Variants in STOML3 observed in about 807,000 individuals in gnomAD.
The protein encoded by STOML3 is stomatin like 3.
In STOML3, 31 loss-of-function variants were observed where a neutral mutation model predicts 29.5. That is an observed-to-expected ratio of 1.05 (90% CI 0.79 to 1.42). The LOEUF is 1.42. STOML3 is among the 40% of genes most tolerant of loss of function. The pLI is 0.00. For missense variants in STOML3, 380 were observed against 363.0 expected (o/e 1.05, Z -0.38); for synonymous variants, 122 against 139.8 (o/e 0.87, Z 0.90).
At chr13:38,986,035 G>GTTTTTTTTTTTTTTTT (rs371208112) in intron 1 of STOML3, among the ~76,000 whole-genome samples, 1 of 70,688 alleles carries the variant, frequency 1.4e-5, no homozygotes, top group Non-Finnish European at 2.6e-5. Flanking sequence ...TATTTACCTG[G>GTTTTTTTTTTTTTTTT]TTTTTTTTTT....
intron 1 of STOML3, among the ~76,000 whole-genome samples, chr13:38,982,496 A>G (rs1881303324): frequency 6.6e-6 from 1 of 152,116 alleles, no homozygotes; most frequent in African/African-American, 2.4e-5. Flanking sequence ...CAAAGAAAAT[A>G]GCACCCCTAT....
At chr13:38,981,769 T>TA (rs1368287401) in intron 1 of STOML3, among the ~76,000 whole-genome samples, 1 of 152,162 alleles carries the variant, frequency 6.6e-6, no homozygotes. Flanking sequence ...GGCAATACCA[T>TA]GTTTAGCAAG....
At chr13:38,979,965 A>C (rs1881216760) in intron 1 of STOML3, 1 of 1,351,320 alleles carries the variant, frequency 7.4e-7, no homozygotes, top group Non-Finnish European at 1.0e-6. Context: ...TAATGCCTGG[A>C]GCCAAGCCCT....
chr13:38,975,215 G>T (rs969065294), intron 3 of STOML3, among the ~76,000 whole-genome samples: 1 of 151,802 alleles, frequency 6.6e-6, no homozygotes, highest in Non-Finnish European at 1.5e-5. Flanking sequence ...CAGCTACTCG[G>T]GAGGCTAAGG....
Position 38,990,681 on chromosome 13 carries a change from T to A in STOML3, c.41A>T (p.Glu14Val). 1 of 1,614,018 alleles carries A rather than the reference T, an allele frequency of 6.2e-7. No homozygotes were observed. The highest frequency in any genetic ancestry group is 8.5e-7 in the Non-Finnish European group (1 of 1,179,948). ...AAAAAGGAACTTACCCACGAAATTC[T>A]CTTTATCTTGCTTCTCAGGTGAAGA... ...RVSSPEKQDK[E>V]NFVGVNNKRL... The change falls in exon 1 of 7, where the codon GAG (glutamate) becomes GTG (valine). Residue 14 changes from glutamate to valine, a missense_variant. Transcript: ENST00000379631.
At position 38,968,616 on chromosome 13, in the gene STOML3, A is replaced by T. The variant is rs1880750741; in HGVS notation, c.517-82T>A. ...TTCTGATATGTTTTATACTTTCAAGATACATTTTTCTTTTTTTTCTTTTTC... is the reference window on the plus strand; with the variant it reads ...TTCTGATATGTTTTATACTTTCAAGTTACATTTTTCTTTTTTTTCTTTTTC... On this transcript the variant is annotated intron_variant, in intron 5 of 6. Coordinates refer to ENST00000379631, the MANE Select transcript of STOML3 (RefSeq NM_145286.3). 2.6e-6 allele frequency: 4 copies of T among 1,518,086 alleles called. No homozygotes were observed. The East Asian group carries it at 9.1e-5, about 35-fold the overall frequency. The allele number at this position is 1,518,086 out of a possible 1,614,324, so 94.0% of individuals were successfully genotyped here.
intron 1 of STOML3, among the ~76,000 whole-genome samples, chr13:38,979,538 G>A (rs771634543): frequency 7.9e-5 from 12 of 152,144 alleles, no homozygotes; most frequent in South Asian, 4.2e-4. Context: ...TTGTGATAAT[G>A]GCATTACACT....
chr13:38,979,893 G>T (rs930573968), intron 1 of STOML3, among the ~76,000 whole-genome samples: 3 of 152,150 alleles, frequency 2.0e-5, no homozygotes, highest in African/African-American at 7.2e-5. Flanking sequence ...CTGTTCTGGG[G>T]CTATGACTAG....
chr13:38,971,090 T>A (rs4426231), intron 4 of STOML3, among the ~76,000 whole-genome samples: 15,451 of 152,066 alleles, frequency 0.1, 1,075 homozygotes, highest in Admixed American at 0.19. Flanking sequence ...TGGACTGCAG[T>A]GGCGCAATCT....
rs570615584 is a variant in STOML3 at position 38,966,775 on chromosome 13, T to C, written c.*50A>G. 1.5e-4 allele frequency: 227 copies of C among 1,486,800 alleles called. 4 individuals carry two copies. In the South Asian group the frequency reaches 2.4e-3, roughly 16 times the overall value. 92.1% of individuals were successfully genotyped at this position (1,486,800 alleles called of 1,614,324 possible). Reference sequence around the variant, plus strand: ...CCGTTTCTAACTACTGGCTTCTCCATAGGAATAGACACCACTCTCTATGCA... The same window carrying C: ...CCGTTTCTAACTACTGGCTTCTCCACAGGAATAGACACCACTCTCTATGCA... On this transcript the variant is annotated 3_prime_UTR_variant, in exon 7 of 7. Transcript: ENST00000379631.
intron 1 of STOML3, among the ~76,000 whole-genome samples, chr13:38,985,911 C>CTTTCTTT (rs1868503447): frequency 2.3e-5 from 2 of 85,616 alleles, no homozygotes; most frequent in African/African-American, 9.0e-5. Context: ...TCTTTTCTTT[C>CTTTCTTT]TTTTTTTTTT....
At chr13:38,982,779 C>T (rs530372549) in intron 1 of STOML3, among the ~76,000 whole-genome samples, 1 of 152,126 alleles carries the variant, frequency 6.6e-6, no homozygotes, top group Non-Finnish European at 1.5e-5. Flanking sequence ...TCCTAGTGAG[C>T]TCCAAGATGT....
intron 1 of STOML3, among the ~76,000 whole-genome samples, chr13:38,980,455 G>A (rs1881233474): frequency 6.6e-6 from 1 of 152,176 alleles, no homozygotes; most frequent in African/African-American, 2.4e-5. Flanking sequence ...TGACTGAAAG[G>A]ATATGCTGGG....
rs539520184 is a variant in STOML3, at chr13:38,978,964, G to A, written c.53-2167C>T. ...TCAAAAAGTTTGTACCAACCTCCAC[G>A]CTCACCAACAGCATAGAAGTGCTTA... is the stretch of plus-strand genomic sequence containing the variant. On this transcript the variant is annotated intron_variant, in intron 1 of 6. Transcript: ENST00000379631. Among the ~76,000 whole-genome samples, 9 of 152,192 alleles carry A rather than the reference G, an allele frequency of 5.9e-5. No individual in the cohort carries two copies. In the South Asian group the frequency reaches 6.2e-4, roughly 11 times the overall value.
intron 1 of STOML3, among the ~76,000 whole-genome samples, chr13:38,984,478 G>A (rs773067156): frequency 1.3e-5 from 2 of 152,116 alleles, no homozygotes; most frequent in African/African-American, 2.4e-5. Context: ...CCATATATAC[G>A]ATGGTGGTCC....
intron 1 of STOML3, among the ~76,000 whole-genome samples, chr13:38,987,328 G>A (rs970101008): frequency 6.6e-6 from 1 of 151,892 alleles, no homozygotes; most frequent in Non-Finnish European, 1.5e-5. Context: ...TTCGAGACCA[G>A]CCTGGGCAAT....
chr13:38,971,530 TG>T (rs1566204080), intron 4 of STOML3, among the ~76,000 whole-genome samples: 2 of 152,196 alleles, frequency 1.3e-5, no homozygotes, highest in Non-Finnish European at 2.9e-5. Context: ...TGAACCACTT[TG>T]GTTATGAGAG....
intron 1 of STOML3, among the ~76,000 whole-genome samples, chr13:38,985,911 C>CTTTTTTTTTTTTTTTTT (rs1170409048): frequency 1.1e-4 from 9 of 85,612 alleles, no homozygotes; most frequent in East Asian, 4.1e-4. Context: ...TCTTTTCTTT[C>CTTTTTTTTTTTTTTTTT]TTTTTTTTTT....
chr13:38,981,038 A>C (rs1881252194), intron 1 of STOML3, among the ~76,000 whole-genome samples: 1 of 152,238 alleles, frequency 6.6e-6, no homozygotes, highest in African/African-American at 2.4e-5. Flanking sequence ...TAGAGCCATC[A>C]GCTATGGAAG....
Sources: gnomAD v4.1 joint callset for allele counts (sites outside exome capture counted in the v4.1 genomes callset) on GRCh38, gnomAD v4.1.1 for gene constraint, MANE v1.5 for transcripts, NCBI Gene and HGNC (gene_info 2026-07-23, HGNC 2026-07-21) for gene names.